AKAP19: variants seen among roughly 807,000 people sequenced by gnomAD.
The protein encoded by AKAP19 is A-kinase anchoring protein 19, also known as small A-kinase anchoring protein.
At chr2:190,034,275 A>G in the AKAP19 span, among the ~76,000 whole-genome samples, 5 of 151,956 alleles carry the variant, frequency 3.3e-5, no homozygotes, top group Non-Finnish European at 7.4e-5. Context: ...ACCTAGAGAA[A>G]TATCTTAAAA....
chr2:190,092,841 AC>A, the AKAP19 span, among the ~76,000 whole-genome samples: 1 of 152,120 alleles, frequency 6.6e-6, no homozygotes. Context: ...ATAATTTTAT[AC>A]CAGATCAAAG....
the AKAP19 span, among the ~76,000 whole-genome samples, chr2:190,174,689 GA>G: frequency 6.6e-6 from 1 of 152,104 alleles, no homozygotes; most frequent in Non-Finnish European, 1.5e-5. Context: ...AATATAATAT[GA>G]AATTTGAAAT....
At chr2:189,933,774 A>T in the AKAP19 span, among the ~76,000 whole-genome samples, 1 of 152,254 alleles carries the variant, frequency 6.6e-6, no homozygotes, top group Non-Finnish European at 1.5e-5. Flanking sequence ...CTGATTTTTT[A>T]AAAACCTGCT....
the AKAP19 span, among the ~76,000 whole-genome samples, chr2:189,904,700 A>G: frequency 6.6e-6 from 1 of 152,008 alleles, no homozygotes; most frequent in African/African-American, 2.4e-5. Context: ...TTATGTTTAC[A>G]CAGCCTATCT....
At chr2:190,018,560 C>G in the AKAP19 span, among the ~76,000 whole-genome samples, 4 of 151,956 alleles carry the variant, frequency 2.6e-5, no homozygotes, top group Non-Finnish European at 5.9e-5. Context: ...GTTTAACTTT[C>G]TATGTGTATG....
chr2:189,898,208 A>C, the AKAP19 span, among the ~76,000 whole-genome samples: 1 of 152,140 alleles, frequency 6.6e-6, no homozygotes, highest in Non-Finnish European at 1.5e-5. Flanking sequence ...ATGAAAAAAA[A>C]AAAAAGTGAG....
chr2:190,041,717 A>G, the AKAP19 span, among the ~76,000 whole-genome samples: 2 of 152,074 alleles, frequency 1.3e-5, no homozygotes, highest in African/African-American at 2.4e-5. Flanking sequence ...GAGAGTTTTT[A>G]TGTTGAAAGG....
chr2:190,192,654 T>C, the AKAP19 span, among the ~76,000 whole-genome samples: 3 of 152,090 alleles, frequency 2.0e-5, no homozygotes, highest in Non-Finnish European at 1.5e-5. Flanking sequence ...TGAACAGCAT[T>C]TGTCTGTTTG....
At chr2:189,923,187 C>A in the AKAP19 span, 1 of 697,280 alleles carries the variant, frequency 1.4e-6, no homozygotes, top group Admixed American at 2.8e-5. Flanking sequence ...TGTGAAGAGA[C>A]GAAGACTGAG....
At chr2:189,989,258 A>G in the AKAP19 span, among the ~76,000 whole-genome samples, 1 of 141,462 alleles carries the variant, frequency 7.1e-6, no homozygotes, top group East Asian at 2.2e-4. Context: ...TAGTAGAAAC[A>G]GCTTAATCCC....
the AKAP19 span, among the ~76,000 whole-genome samples, chr2:190,017,224 A>T: frequency 6.6e-6 from 1 of 152,030 alleles, no homozygotes; most frequent in South Asian, 2.1e-4. Flanking sequence ...TTATTTATTT[A>T]TCCATTCAGC....
chr2:190,096,014 T>C, the AKAP19 span, among the ~76,000 whole-genome samples: 1 of 152,044 alleles, frequency 6.6e-6, no homozygotes, highest in Non-Finnish European at 1.5e-5. Flanking sequence ...CTCGGTGGTG[T>C]GGGTGGCCTA....
the AKAP19 span, among the ~76,000 whole-genome samples, chr2:189,966,195 G>GT: frequency 2.0e-5 from 3 of 146,582 alleles, no homozygotes; most frequent in African/African-American, 7.5e-5. Flanking sequence ...GGGGGAAAGG[G>GT]TGAGAAGGGG....
chr2:190,069,175 T>TGTGAGAGAGAGAGAGA, the AKAP19 span, among the ~76,000 whole-genome samples: 1 of 123,506 alleles, frequency 8.1e-6, no homozygotes, highest in African/African-American at 3.2e-5. Flanking sequence ...TGTGTGTGTG[T>TGTGAGAGAGAGAGAGA]GAGAGAGAGA....
the AKAP19 span, among the ~76,000 whole-genome samples, chr2:190,042,560 G>C: frequency 6.6e-6 from 1 of 151,722 alleles, no homozygotes; most frequent in Non-Finnish European, 1.5e-5. Context: ...GCTAGCTTTG[G>C]GATTGATTTG....
the AKAP19 span, among the ~76,000 whole-genome samples, chr2:190,011,050 C>CTTTTT: frequency 1.3e-4 from 8 of 59,548 alleles, no homozygotes; most frequent in East Asian, 1.1e-3. Flanking sequence ...CTCTCTCTCT[C>CTTTTT]TTTTTTTTTT....
the AKAP19 span, among the ~76,000 whole-genome samples, chr2:189,933,005 T>C: frequency 1.6e-4 from 25 of 152,328 alleles, no homozygotes; most frequent in African/African-American, 5.8e-4. Flanking sequence ...TTATCCTATG[T>C]CTCATGCCCA....
chr2:190,022,533 T>A, the AKAP19 span, among the ~76,000 whole-genome samples: 1 of 152,128 alleles, frequency 6.6e-6, no homozygotes, highest in Non-Finnish European at 1.5e-5. Flanking sequence ...ATTCATTGAT[T>A]TGTTTTAATA....
the AKAP19 span, among the ~76,000 whole-genome samples, chr2:190,089,348 AT>A: frequency 5.2e-4 from 79 of 152,068 alleles, no homozygotes; most frequent in South Asian, 0.015. Flanking sequence ...TTGATTAGCT[AT>A]GTTTAATTTT....
Sources: allele counts gnomAD v4.1 joint callset (sites outside exome capture counted in the v4.1 genomes callset), GRCh38; gene constraint gnomAD v4.1.1; transcripts MANE v1.5; gene names NCBI Gene and HGNC (gene_info 2026-07-23, HGNC 2026-07-21).